The following PNRC1 variants were observed in gnomAD, a reference collection of about 807,000 sequenced individuals.
PNRC1 encodes proline rich nuclear receptor coactivator 1.
A neutral mutation model predicts 20.2 loss-of-function variants in PNRC1; 6 were observed. The ratio of observed to expected loss-of-function variants is 0.30; its 90% CI spans 0.16 to 0.59. The LOEUF (loss-of-function observed/expected upper bound fraction) is 0.59. Among genes scored for constraint, PNRC1 ranks in the 20% least tolerant of loss-of-function variants. PNRC1 has a pLI of 0.89. For missense variants in PNRC1, 488 were observed against 430.2 expected, an observed-to-expected ratio of 1.13 and a Z score of -1.19; for synonymous variants, 202 against 186.9, an observed-to-expected ratio of 1.08 and a Z score of -0.66.
chr6:89,083,219 C>G (rs1447800515), intron 1 of PNRC1, among the ~76,000 whole-genome samples: 1 of 152,212 alleles, frequency 6.6e-6, no homozygotes, highest in African/African-American at 2.4e-5. Context: ...GTCTCGAACT[C>G]CTTGAGCTTG....
rs1180077899 is a variant in PNRC1 at position 89,084,303 on chromosome 6, C to G, written c.*107C>G. The G allele has an allele frequency of 2.9e-6, 2 of 687,892 alleles. No homozygotes were observed. Among genetic ancestry groups the G allele is most frequent in the South Asian group, 2.2e-5 (1 of 45,306 alleles). The allele number at this position is 687,892 out of a possible 1,614,324, so 42.6% of individuals were successfully genotyped here. ...TTTGCCTTGTTGCAACATACAATTGCAAAAGATGAGTTTAAAAAATTACAT... is the reference window on the plus strand; with the variant it reads ...TTTGCCTTGTTGCAACATACAATTGGAAAAGATGAGTTTAAAAAATTACAT... On this transcript the variant is annotated 3_prime_UTR_variant, in exon 2 of 2. Coordinates refer to ENST00000336032, the MANE Select transcript of PNRC1 (RefSeq NM_006813.3).
chr6:89,084,323 T>A lies in PNRC1; in HGVS notation c.*127T>A, dbSNP rs531223830. ...AATTGCAAAAGATGAGTTTAAAAAA[T>A]TACATACAAACAGCTTGTATTATAT... is the stretch of plus-strand genomic sequence containing the variant. On this transcript the variant is annotated 3_prime_UTR_variant, in exon 2 of 2. Coordinates refer to ENST00000336032, the MANE Select transcript of PNRC1 (RefSeq NM_006813.3). 1.6e-6 allele frequency: 1 copy of A among 615,782 alleles called. No individual in the cohort carries two copies. Among genetic ancestry groups the A allele is most frequent in the South Asian group, 2.3e-5 (1 of 43,184 alleles). The allele number at this position is 615,782 out of a possible 1,614,324, so 38.1% of individuals were successfully genotyped here. A position where few individuals can be genotyped will look rare whatever the true frequency, so the allele number is the denominator to read the frequency against.
At position 89,081,411 on chromosome 6, in the gene PNRC1, G is replaced by T; in HGVS notation, c.517G>T (p.Gly173Cys). Reference protein sequence around the residue: ...DLAPLRPAAPGQTPLRKEVLK... With the variant: ...DLAPLRPAAPCQTPLRKEVLK... ...TGCCCCGCTGCGGCCCGCGGCTCCCGGCCAAACCCCCCTCAGGAAAGAGGT... is the reference window on the plus strand; with the variant it reads ...TGCCCCGCTGCGGCCCGCGGCTCCCTGCCAAACCCCCCTCAGGAAAGAGGT... The change falls in exon 1 of 2, where the codon GGC (glycine) becomes TGC (cysteine). Residue 173 changes from glycine (G) to cysteine (C), a missense_variant. Coordinates refer to ENST00000336032, the MANE Select transcript of PNRC1 (RefSeq NM_006813.3). 1 of 1,339,222 alleles carries T rather than the reference G, an allele frequency of 7.5e-7. No homozygotes were observed. Among genetic ancestry groups the T allele is most frequent in the Non-Finnish European group, 9.5e-7 (1 of 1,053,312 alleles). The allele number at this position is 1,339,222 out of a possible 1,614,324, so 83.0% of individuals were successfully genotyped here.
At position 89,084,032 on chromosome 6, in the gene PNRC1, A is replaced by C. The variant is rs1768060376; in HGVS notation, c.820A>C (p.Ser274Arg). 1.2e-6 allele frequency: 2 copies of C among 1,614,080 alleles called. No homozygotes were observed. Among genetic ancestry groups the C allele is most frequent in the Admixed American group, 3.3e-5 (2 of 60,010 alleles). The change falls in exon 2 of 2, where the codon AGC becomes CGC. Residue 274 changes from serine (S) to arginine (R), a missense_variant. Physicochemically the swap from Ser to Arg is moderately radical, Grantham distance 110. Coordinates refer to ENST00000336032, the MANE Select transcript of PNRC1 (RefSeq NM_006813.3). ...LKKSAFLTEV[S>R]QKENYAGAKF... ...GAAATCAGCATTTCTAACTGAAGTG[A>C]GCCAAAAGGAAAATTATGCTGGGGC...
At chr6:89,083,491 A>G (rs1768047814) in intron 1 of PNRC1, among the ~76,000 whole-genome samples, 1 of 152,014 alleles carries the variant, frequency 6.6e-6, no homozygotes. Context: ...GTTGTTCCCC[A>G]CTATATCCAT....
At position 89,081,453 on chromosome 6, in the gene PNRC1, C is replaced by A. The variant is rs1316873467; in HGVS notation, c.540+19C>A. 4 of 1,112,362 alleles carry A rather than the reference C, an allele frequency of 3.6e-6. No homozygotes were observed. The highest frequency in any genetic ancestry group is 4.4e-6 in the Non-Finnish European group (4 of 913,460). The allele number at this position is 1,112,362 out of a possible 1,614,324, so 68.9% of individuals were successfully genotyped here. ...GAAAGAGGTGAGGCCGCCAGGGGGC[C>A]GTTGGGGAGTCGGGCCCTTAGACGG... is the stretch of plus-strand genomic sequence containing the variant. On this transcript the variant is annotated intron_variant, in intron 1 of 1. Transcript: ENST00000336032.
At position 89,080,970 on chromosome 6, in the gene PNRC1, C is replaced by G. The variant is rs1767967210; in HGVS notation, c.76C>G (p.Arg26Gly). Residue 26 changes from arginine to glycine, a missense_variant, in exon 1 of 2, where the codon CGA (arginine) becomes GGA (glycine). Physicochemically the swap from Arg to Gly is moderately radical, Grantham distance 125. Transcript: ENST00000336032. The part of the protein sequence containing the change: ...GRLAPLGFSS[R>G]GYFGALPMVT... ...CCTTGCGCCGCTTGGCTTTTCCTCCCGAGGTTACTTTGGGGCCCTCCCGAT... is the reference window on the plus strand; with the variant it reads ...CCTTGCGCCGCTTGGCTTTTCCTCCGGAGGTTACTTTGGGGCCCTCCCGAT... 1 of 1,613,404 alleles carries G rather than the reference C, an allele frequency of 6.2e-7. No individual in the cohort carries two copies. The highest frequency in any genetic ancestry group is 8.5e-7 in the Non-Finnish European group (1 of 1,180,008).
Position 89,083,965 on chromosome 6 carries a change from G to A in PNRC1, c.753G>A (p.Lys251=), listed in dbSNP as rs1222312984. Residue 251 remains lysine (K), a synonymous_variant, in exon 2 of 2, where the codon AAG becomes AAA. Coordinates refer to ENST00000336032, the MANE Select transcript of PNRC1 (RefSeq NM_006813.3). ...SSDRIQKQEK[K]PFKNTENIKN... ...ACAGAATTCAGAAGCAGGAAAAAAA[G>A]CCTTTTAAAAATACCGAGAACATTA... The A allele has an allele frequency of 9.3e-6, 15 of 1,613,850 alleles. No individual in the cohort carries two copies. In the South Asian group the frequency reaches 1.3e-4, roughly 14 times the overall value.
At chr6:89,083,202 CA>C (rs1401276035) in intron 1 of PNRC1, among the ~76,000 whole-genome samples, 1 of 152,308 alleles carries the variant, frequency 6.6e-6, no homozygotes, top group East Asian at 1.9e-4. Flanking sequence ...CTATGTTGCC[CA>C]GGCTGGTCTC....
In PNRC1 at chr6:89,081,549, G is replaced by GGGGGGGGGGGGGGGCC; in HGVS notation, c.540+115_540+116insGGGGGGGGGGGGGGCC. 1.1e-5 allele frequency: 2 copies of GGGGGGGGGGGGGGGCC among 182,296 alleles called. 1 individual carries two copies. The highest frequency in any genetic ancestry group is 2.2e-5 in the Non-Finnish European group (2 of 92,232). The allele number at this position is 182,296 out of a possible 1,614,324, so 11.3% of individuals were successfully genotyped here. On this transcript the variant is annotated intron_variant, in intron 1 of 1. Coordinates refer to ENST00000336032, the MANE Select transcript of PNRC1 (RefSeq NM_006813.3). The stretch of plus-strand genomic sequence containing the variant: ...GGCGGGTGGGGGCGGGGTGGGGGGG[G>GGGGGGGGGGGGGGGCC]CGGCTGTTTACTCGGGAGGGAAGTT...
In PNRC1 at chr6:89,080,761, C is replaced by G. The variant is rs1767958638; in HGVS notation, c.-134C>G. 1 of 829,086 alleles carries G rather than the reference C, an allele frequency of 1.2e-6. No individual in the cohort carries two copies. The allele number at this position is 829,086 out of a possible 1,614,324, so 51.4% of individuals were successfully genotyped here. On this transcript the variant is annotated 5_prime_UTR_variant, in exon 1 of 2. Transcript: ENST00000336032. ...GGGCTGTGGCTATTTGTTGCTGCGC[C>G]GCCACCGCCCGAGTCATGTTCCGCG... is the stretch of plus-strand genomic sequence containing the variant.
chr6:89,082,995 G>GTT (rs1473576352), intron 1 of PNRC1, among the ~76,000 whole-genome samples: 2 of 126,216 alleles, frequency 1.6e-5, no homozygotes, highest in Admixed American at 8.4e-5. Context: ...GGAAATTTAA[G>GTT]TTTTTTGTTG....
intron 1 of PNRC1, among the ~76,000 whole-genome samples, chr6:89,081,655 A>G (rs887359432): frequency 8.6e-5 from 13 of 151,410 alleles, no homozygotes; most frequent in Non-Finnish European, 1.6e-4. Context: ...ATTGGCTCCC[A>G]GGAGTCGGCC....
Position 89,081,047 on chromosome 6 carries a change from G to A in PNRC1, c.153G>A (p.Leu51=). The change falls in exon 1 of 2, where the codon CTG becomes CTA. Residue 51 remains leucine (L), a synonymous_variant. Coordinates refer to ENST00000336032, the MANE Select transcript of PNRC1 (RefSeq NM_006813.3). The stretch of plus-strand genomic sequence containing the variant: ...CCCGGATCCCGGACCCCCGGGCACT[G>A]CCCCCGACCCTCTTCCTCCCTCATT... The part of the protein sequence containing the change: ...PLPRIPDPRA[L]PPTLFLPHFL... 2 of 1,611,032 alleles carry A rather than the reference G, an allele frequency of 1.2e-6. No homozygotes were observed. The highest frequency in any genetic ancestry group is 1.7e-6 in the Non-Finnish European group (2 of 1,179,784).
intron 1 of PNRC1, chr6:89,082,153 T>C (rs1229496663): frequency 6.6e-6 from 1 of 152,274 alleles, no homozygotes; most frequent in East Asian, 1.9e-4. Context: ...TACTTCGTGT[T>C]AGTGTGTCCA....
intron 1 of PNRC1, chr6:89,081,705 T>G: frequency 1.6e-5 from 4 of 244,918 alleles, no homozygotes; most frequent in Middle Eastern, 1.3e-3. Context: ...AGCCCCGATT[T>G]AGAAGGCTGG....
At chr6:89,083,650 C>A in intron 1 of PNRC1, 103 bp from the exon 2 acceptor site, 1 of 826,810 alleles carries the variant, frequency 1.2e-6, no homozygotes, top group Non-Finnish European at 1.9e-6. Flanking sequence ...TTTTCTATGG[C>A]TGTGGGCAAA....
At position 89,081,346 on chromosome 6, in the gene PNRC1, C is replaced by G; in HGVS notation, c.452C>G (p.Pro151Arg). Residue 151 changes from proline to arginine, a missense_variant, in exon 1 of 2, where the codon CCT (proline) becomes CGT (arginine). By Grantham distance (103) the Pro-to-Arg change is moderately radical. Coordinates refer to ENST00000336032, the MANE Select transcript of PNRC1 (RefSeq NM_006813.3). ...CCGGCCGCCGCCTTGGCCCCGAGTC[C>G]TGCAGCCGCAGCCGGCACGGAGGGA... The part of the protein sequence containing the change: ...PGPAAALAPS[P>R]AAAAGTEGAS... 1 of 1,449,696 alleles carries G rather than the reference C, an allele frequency of 6.9e-7. No homozygotes were observed. Among genetic ancestry groups the G allele is most frequent in the Non-Finnish European group, 9.0e-7 (1 of 1,112,100 alleles). 89.8% of individuals were successfully genotyped at this position (1,449,696 alleles called of 1,614,324 possible). A position where few individuals can be genotyped will look rare whatever the true frequency, so the allele number is the denominator to read the frequency against.
At chr6:89,082,851 G>A (rs1275195212) in intron 1 of PNRC1, 1 of 152,228 alleles carries the variant, frequency 6.6e-6, no homozygotes, top group Non-Finnish European at 1.5e-5. Context: ...TACAGTTGTA[G>A]AAAGGTGGAC....
Sources: gnomAD v4.1 joint callset for allele counts (sites outside exome capture counted in the v4.1 genomes callset) on GRCh38, gnomAD v4.1.1 for gene constraint, MANE v1.5 for transcripts, NCBI Gene and HGNC (gene_info 2026-07-23, HGNC 2026-07-21) for gene names.